CCDC85C: variants seen among roughly 807,000 people sequenced by gnomAD.
CCDC85C encodes coiled-coil domain containing 85C, also known as coiled-coil domain-containing protein 85C.
Under a neutral mutation model 38.3 loss-of-function variants are expected in CCDC85C, and 18 were observed. The observed-to-expected ratio is 0.47, with a 90% CI of 0.33 to 0.70. The LOEUF (loss-of-function observed/expected upper bound fraction) is 0.70, where lower values mean the gene tolerates loss of function less well. CCDC85C is among the 30% of genes least tolerant of loss of function. The pLI, the probability that CCDC85C is intolerant of heterozygous loss-of-function variation, is 0.03. For synonymous variants in CCDC85C, 264 were observed against 293.8 expected, an observed-to-expected ratio of 0.90 and a Z score of 1.04; for missense variants, 566 against 621.2, an observed-to-expected ratio of 0.91 and a Z score of 0.94.
At chr14:99,571,789 C>T (rs945739500) in intron 1 of CCDC85C, among the ~76,000 whole-genome samples, 1 of 152,224 alleles carries the variant, frequency 6.6e-6, no homozygotes, top group Non-Finnish European at 1.5e-5. Flanking sequence ...GGTAGGTGCC[C>T]AGTTCAATGC....
chr14:99,501,659 G>A lies in CCDC85C; in HGVS notation c.*13587C>T, dbSNP rs2144797. On this transcript the variant is annotated 3_prime_UTR_variant, in exon 6 of 6. Transcript: ENST00000380243. Reference sequence around the variant, plus strand: ...ATTTTATCACCAGTCTGAAACATAAGTCCAAAACAATACACTGGAGAATTT... The same window carrying A: ...ATTTTATCACCAGTCTGAAACATAAATCCAAAACAATACACTGGAGAATTT... 0.98 allele frequency: 483,897 copies of A among 491,428 alleles called. 238,625 individuals are homozygous for A. The highest frequency in any genetic ancestry group is 1 in the East Asian group (29,464 of 29,466). 30.4% of individuals were successfully genotyped at this position (491,428 alleles called of 1,614,324 possible).
At chr14:99,526,447 G>C (rs1047215647) in intron 2 of CCDC85C, among the ~76,000 whole-genome samples, 1 of 152,238 alleles carries the variant, frequency 6.6e-6, no homozygotes, top group African/African-American at 2.4e-5. Flanking sequence ...GCTGGAGAGA[G>C]CTCCTTCCAG....
chr14:99,504,033 G>A lies in CCDC85C; in HGVS notation c.*11213C>T, dbSNP rs1279614476. 1 of 371,196 alleles carries A rather than the reference G, an allele frequency of 2.7e-6. No homozygotes were observed. Among genetic ancestry groups the A allele is most frequent in the Non-Finnish European group, 5.3e-6 (1 of 190,136 alleles). The allele number at this position is 371,196 out of a possible 1,614,324, so 23.0% of individuals were successfully genotyped here. On this transcript the variant is annotated 3_prime_UTR_variant, in exon 6 of 6. Coordinates refer to ENST00000380243, the MANE Select transcript of CCDC85C (RefSeq NM_001144995.2). ...GGGGGGCAGTAGGGGGTGGTGTGCT[G>A]CCCGGACAGCACCAGCCCGGCCCAG...
intron 1 of CCDC85C, among the ~76,000 whole-genome samples, chr14:99,571,529 C>A (rs1445871236): frequency 6.6e-6 from 1 of 152,342 alleles, no homozygotes; most frequent in East Asian, 1.9e-4. Context: ...CACTGGGCTA[C>A]CCTGACGGGG....
At chr14:99,596,638 G>A (rs558408083) in intron 1 of CCDC85C, among the ~76,000 whole-genome samples, 1 of 152,352 alleles carries the variant, frequency 6.6e-6, no homozygotes, top group East Asian at 1.9e-4. Context: ...AATCCTGGGT[G>A]CTTGCCTAGG....
rs535213257 is a variant in CCDC85C, at chr14:99,533,214, C to T, written c.867+2801G>A. On this transcript the variant is annotated intron_variant, in intron 2 of 5. Coordinates refer to ENST00000380243, the MANE Select transcript of CCDC85C (RefSeq NM_001144995.2). This position sits in a 1 kb window ranked among gnomAD's most constrained non-coding sequence, Gnocchi z 4.2. The stretch of plus-strand genomic sequence containing the variant: ...CCGGGGCCAAGGCCCCAGCAGCATA[C>T]GGCTGCCTCCTTTCAGGGTACTGGG... Among the ~76,000 whole-genome samples the T allele has an allele frequency of 6.6e-5, 10 of 152,344 alleles. No individual in the cohort carries two copies. Among genetic ancestry groups the T allele is most frequent in the South Asian group, 2.1e-4 (1 of 4,830 alleles).
intron 1 of CCDC85C, among the ~76,000 whole-genome samples, chr14:99,582,407 C>T (rs190941374): frequency 1.3e-5 from 2 of 152,294 alleles, no homozygotes; most frequent in East Asian, 1.9e-4. Context: ...GTAGGAATAT[C>T]ACGTGGCAAA....
intron 2 of CCDC85C, among the ~76,000 whole-genome samples, chr14:99,530,620 C>T (rs753000302): frequency 6.6e-6 from 1 of 152,234 alleles, no homozygotes; most frequent in South Asian, 2.1e-4. Context: ...CAAAGAGCAG[C>T]GGTTCCTTGG....
intron 1 of CCDC85C, among the ~76,000 whole-genome samples, chr14:99,537,920 T>G (rs1009050646): frequency 1.1e-4 from 16 of 152,140 alleles, no homozygotes; most frequent in Non-Finnish European, 2.1e-4. Context: ...AACCTTCATG[T>G]CCTGTACCCT....
At chr14:99,528,122 T>C (rs1656862520) in intron 2 of CCDC85C, among the ~76,000 whole-genome samples, 2 of 150,522 alleles carry the variant, frequency 1.3e-5, no homozygotes, top group African/African-American at 4.9e-5. Flanking sequence ...TGCTGGGGAG[T>C]AGGGGACAGA....
At chr14:99,580,102 G>A (rs74318396) in intron 1 of CCDC85C, 327 of 455,762 alleles carry the variant, frequency 7.2e-4, no homozygotes, top group African/African-American at 5.9e-3. Context: ...CCAGGAATTC[G>A]GTCAGCAAAG....
chr14:99,593,142 C>T (rs1342655156), intron 1 of CCDC85C, among the ~76,000 whole-genome samples: 1 of 152,206 alleles, frequency 6.6e-6, no homozygotes, highest in South Asian at 2.1e-4. Flanking sequence ...CGGTGACAGG[C>T]GGGCGCATTC....
chr14:99,522,977 C>G (rs1211929128), intron 2 of CCDC85C: 2 of 152,216 alleles, frequency 1.3e-5, no homozygotes, highest in Admixed American at 6.5e-5. Flanking sequence ...CTGGTCAGTC[C>G]CACAGTGCCC....
rs1218602602 is a variant in CCDC85C at position 99,513,005 on chromosome 14, G to A, written c.*2241C>T. The A allele has an allele frequency of 6.6e-6, 1 of 152,182 alleles. No individual in the cohort carries two copies. Among genetic ancestry groups the A allele is most frequent in the African/African-American group, 2.4e-5 (1 of 41,424 alleles). The allele number at this position is 152,182 out of a possible 1,614,324, so 9.4% of individuals were successfully genotyped here. On this transcript the variant is annotated 3_prime_UTR_variant, in exon 6 of 6. Transcript: ENST00000380243. ...CATCCCAGTGCCGTGTTGGCTCAGG[G>A]GTCACCAGCTTTGTGCTGCCTCCGT...
rs867806466 is a variant in CCDC85C, at chr14:99,569,081, C to T, written c.794-32993G>A. On this transcript the variant is annotated intron_variant, in intron 1 of 5. Transcript: ENST00000380243. The surrounding 1 kb of genome is among the most constrained non-coding windows in gnomAD (Gnocchi z 4.3). The stretch of plus-strand genomic sequence containing the variant: ...CAGAGGCAGCTCAAAGAGGGGACAT[C>T]AAATCCCCACTCCTGGCCTGTGTCC... Among the ~76,000 whole-genome samples the T allele has an allele frequency of 1.3e-5, 2 of 152,174 alleles. No homozygotes were observed. Among genetic ancestry groups the T allele is most frequent in the Non-Finnish European group, 2.9e-5 (2 of 68,022 alleles).
rs144191411 is a variant in CCDC85C at position 99,558,708 on chromosome 14, C to T, written c.794-22620G>A. Among the ~76,000 whole-genome samples, 126 of 152,208 alleles carry T rather than the reference C, an allele frequency of 8.3e-4. No homozygotes were observed. The highest frequency in any genetic ancestry group is 1.5e-3 in the Non-Finnish European group (104 of 68,022). On this transcript the variant is annotated intron_variant, in intron 1 of 5. Coordinates refer to ENST00000380243, the MANE Select transcript of CCDC85C (RefSeq NM_001144995.2). This position sits in a 1 kb window ranked among gnomAD's most constrained non-coding sequence, Gnocchi z 4.2. ...AAGGGCAAATGGAAACAGAGGAGGC[C>T]GGATGGAAAGAAAGGCAGACATGGG...
chr14:99,602,589 G>A (rs2055211608), intron 1 of CCDC85C, among the ~76,000 whole-genome samples: 1 of 152,122 alleles, frequency 6.6e-6, no homozygotes, highest in African/African-American at 2.4e-5. Flanking sequence ...GGACTAGAAG[G>A]GCGGAATTTA....
chr14:99,592,927 A>T (rs1203181138), intron 1 of CCDC85C, among the ~76,000 whole-genome samples: 1 of 152,246 alleles, frequency 6.6e-6, no homozygotes, highest in Non-Finnish European at 1.5e-5. Flanking sequence ...CCAGGACAGA[A>T]GGTGCCGAAA....
At chr14:99,597,869 G>A (rs191542673) in intron 1 of CCDC85C, among the ~76,000 whole-genome samples, 30 of 152,300 alleles carry the variant, frequency 2.0e-4, no homozygotes, top group African/African-American at 5.5e-4. Context: ...AGGCAAATCC[G>A]CAGAGGCCAG....
Sources: gnomAD v4.1 joint callset for allele counts (sites outside exome capture counted in the v4.1 genomes callset) on GRCh38, gnomAD v4.1.1 for gene constraint, Gnocchi (gnomAD v3.1) non-coding constraint, MANE v1.5 for transcripts, NCBI Gene and HGNC (gene_info 2026-07-23, HGNC 2026-07-21) for gene names.